The following B4GALNT4 variants were observed in gnomAD, a reference collection of about 807,000 sequenced individuals.
The protein encoded by B4GALNT4 is N-acetyl-beta-glucosaminyl-glycoprotein 4-beta-N-acetylgalactosaminyltransferase 1.
In B4GALNT4, 77 loss-of-function variants were observed where a neutral mutation model predicts 110.0. The ratio of observed to expected loss-of-function variants is 0.70; its 90% CI spans 0.58 to 0.85. B4GALNT4 has a LOEUF of 0.85. Among genes scored for constraint, B4GALNT4 ranks in the 40% least tolerant of loss-of-function variants. B4GALNT4 has a pLI of 0.00. For missense variants in B4GALNT4, 1,575 were observed against 1,506.0 expected, an observed-to-expected ratio of 1.05 and a Z score of -0.76; for synonymous variants, 785 against 655.5, an observed-to-expected ratio of 1.20 and a Z score of -3.02.
intron 8 of B4GALNT4, 152 bp downstream of exon 8, chr11:373,980 G>T (rs974698041): frequency 3.2e-5 from 23 of 725,728 alleles, no homozygotes; most frequent in Non-Finnish European, 5.0e-5. Context: ...TGCCCTCCTG[G>T]GGGGCTCGGT....
Position 376,346 on chromosome 11 carries a change from C to G in B4GALNT4, c.1292C>G (p.Pro431Arg). 3.1e-6 allele frequency: 5 copies of G among 1,607,680 alleles called. No homozygotes were observed. Among genetic ancestry groups the G allele is most frequent in the Non-Finnish European group, 3.4e-6 (4 of 1,177,390 alleles). ...CGCCGAGCCTTCCTCTTCCTCAACCCGGACGGTGAGTGTCCGCAGCGCCCC... is the reference window on the plus strand; with the variant it reads ...CGCCGAGCCTTCCTCTTCCTCAACCGGGACGGTGAGTGTCCGCAGCGCCCC... ...VQRRAFLFLN[P>R]DDFLDDEDEG... The change falls in exon 13 of 20, where the codon CCG becomes CGG. Residue 431 changes from proline to arginine, a missense_variant. By Grantham distance (103) the Pro-to-Arg change is moderately radical (BLOSUM62 -2). Transcript: ENST00000329962.
chr11:377,436 G>C, intron 14 of B4GALNT4, 109 bp downstream of exon 14: 1 of 1,241,802 alleles, frequency 8.1e-7, no homozygotes, highest in Non-Finnish European at 1.1e-6. Flanking sequence ...GGGCCCAGTG[G>C]TGTACCGGCC....
intron 6 of B4GALNT4, 46 bp from the exon 7 acceptor site, chr11:373,403 A>ACTGGGGGGGGGGGGGGGGGGGGGG: frequency 7.9e-7 from 1 of 1,259,488 alleles, no homozygotes; most frequent in Non-Finnish European, 1.1e-6. Flanking sequence ...CCAGGGAGAG[A>ACTGGGGGGGGGGGGGGGGGGGGGG]GTGAACCCCC....
chr11:371,280 A>C (rs1434750954), intron 1 of B4GALNT4, among the ~76,000 whole-genome samples: 1 of 152,048 alleles, frequency 6.6e-6, no homozygotes, highest in Non-Finnish European at 1.5e-5. Flanking sequence ...CTGTCGGGGG[A>C]CCTGGGGCCC....
In B4GALNT4 at chr11:375,865, C is replaced by A. The variant is rs1291379413; in HGVS notation, c.1004C>A (p.Ser335Ter). ...CCTGCAGCTCCACGCATGGAATCTTCGAGCCTGGAGAACGTGCTGGAGCCC... is the reference window on the plus strand; with the variant it reads ...CCTGCAGCTCCACGCATGGAATCTTAGAGCCTGGAGAACGTGCTGGAGCCC... The part of the protein sequence containing the change: ...TFFLTPRMES[S>*]SLENVLEPCA... Residue 335 changes from serine to a stop codon, truncating the protein, a stop_gained, in exon 11 of 20, where the codon TCG becomes TAG. Transcript: ENST00000329962. LOFTEE classifies it high-confidence loss of function. 6.2e-7 allele frequency: 1 copy of A among 1,610,626 alleles called. No individual in the cohort carries two copies. The highest frequency in any genetic ancestry group is 1.7e-5 in the Admixed American group (1 of 59,858).
intron 13 of B4GALNT4, 30 bp downstream of exon 13, chr11:376,381 C>A (rs1846753089): frequency 1.2e-6 from 2 of 1,603,296 alleles, no homozygotes; most frequent in Admixed American, 1.7e-5. Context: ...CTGGCCCGCA[C>A]CCACCTGCGC....
Position 372,748 on chromosome 11 carries a change from G to A in B4GALNT4, c.342G>A (p.Arg114=), listed in dbSNP as rs887842948. 5.0e-6 allele frequency: 8 copies of A among 1,609,972 alleles called. No individual in the cohort carries two copies. The Admixed American group carries it at 1.3e-4, about 27-fold the overall frequency. ...LNFTHQTPPW[R]EEYKGQVNLH... is the part of the protein sequence containing the mutation. ...TCACCCATCAGACACCCCCATGGCGGGAGGAGGTGAGCTGGCTCGGCCTGT... is the reference window on the plus strand; with the variant it reads ...TCACCCATCAGACACCCCCATGGCGAGAGGAGGTGAGCTGGCTCGGCCTGT... The change falls in exon 3 of 20, where the codon CGG becomes CGA. Residue 114 remains arginine (R), a synonymous_variant. Transcript: ENST00000329962.
intron 1 of B4GALNT4, among the ~76,000 whole-genome samples, chr11:370,876 A>G (rs72847388): frequency 0.079 from 12,069 of 152,086 alleles, 666 homozygotes; most frequent in Admixed American, 0.15. Flanking sequence ...CTCTTCCTGT[A>G]CCGGGACGCC....
chr11:380,944 C>T lies in B4GALNT4; in HGVS notation c.2989C>T (p.Leu997=). 1 of 1,612,306 alleles carries T rather than the reference C, an allele frequency of 6.2e-7. No individual in the cohort carries two copies. The highest frequency in any genetic ancestry group is 8.5e-7 in the Non-Finnish European group (1 of 1,179,254). The change falls in exon 19 of 20, where the codon CTG becomes TTG. Residue 997 remains leucine, a synonymous_variant. Transcript: ENST00000329962. ...DQWGGEDWEL[L]DRVLQAGLEV... Reference sequence around the variant, plus strand: ...GTGGGGGGGTGAAGACTGGGAGCTCCTGGACAGGTGACCACCTCCCCACTC... The same window carrying T: ...GTGGGGGGGTGAAGACTGGGAGCTCTTGGACAGGTGACCACCTCCCCACTC...
chr11:372,153 G>C lies in B4GALNT4; in HGVS notation c.196G>C (p.Ala66Pro). The change falls in exon 2 of 20, where the codon GCT becomes CCT. Residue 66 changes from alanine to proline, a missense_variant. By Grantham distance (27) the Ala-to-Pro change is conservative. Coordinates refer to ENST00000329962, the MANE Select transcript of B4GALNT4 (RefSeq NM_178537.5). ...TGAGACCGACGGCCGGGGGGTCCACGCTGCGCCATCCACACAGAGGGCTGA... is the reference window on the plus strand; with the variant it reads ...TGAGACCGACGGCCGGGGGGTCCACCCTGCGCCATCCACACAGAGGGCTGA... ...TSETDGRGVH[A>P]APSTQRAEDS... The C allele has an allele frequency of 1.3e-6, 2 of 1,549,948 alleles. No homozygotes were observed. The highest frequency in any genetic ancestry group is 1.7e-6 in the Non-Finnish European group (2 of 1,146,832).
intron 18 of B4GALNT4, 104 bp downstream of exon 18, chr11:380,549 G>A: frequency 6.9e-7 from 1 of 1,457,928 alleles, no homozygotes; most frequent in Non-Finnish European, 9.3e-7. Flanking sequence ...GGAGGCCTGG[G>A]AGTCCATCAG....
Position 376,019 on chromosome 11 carries a change from G to C in B4GALNT4, c.1096-55G>C. On this transcript the variant is annotated intron_variant, in intron 11 of 19. Coordinates refer to ENST00000329962, the MANE Select transcript of B4GALNT4 (RefSeq NM_178537.5). ...TCCGCGGAGCCTTCTCCAGCCCCTTGGGAGGCCGCCCCGGGAGGTCCGCGC... is the reference window on the plus strand; with the variant it reads ...TCCGCGGAGCCTTCTCCAGCCCCTTCGGAGGCCGCCCCGGGAGGTCCGCGC... 3 of 1,603,496 alleles carry C rather than the reference G, an allele frequency of 1.9e-6. No individual in the cohort carries two copies. In the South Asian group the frequency reaches 3.3e-5, roughly 18 times the overall value.
At chr11:375,367 C>T (rs944251439) in intron 8 of B4GALNT4, 94 bp from the exon 9 acceptor site, 5 of 1,286,942 alleles carry the variant, frequency 3.9e-6, no homozygotes, top group East Asian at 2.3e-5. Context: ...GGGATTGGTC[C>T]TATTAGTCCC....
At position 376,356 on chromosome 11, in the gene B4GALNT4, G is replaced by A. The variant is rs1325883590; in HGVS notation, c.1297+5G>A. The A allele has an allele frequency of 6.2e-7, 1 of 1,606,626 alleles. No individual in the cohort carries two copies. Among genetic ancestry groups the A allele is most frequent in the East Asian group, 2.2e-5 (1 of 44,796 alleles). ...TCCTCTTCCTCAACCCGGACGGTGAGTGTCCGCAGCGCCCCTGGCCCGCAC... is the reference window on the plus strand; with the variant it reads ...TCCTCTTCCTCAACCCGGACGGTGAATGTCCGCAGCGCCCCTGGCCCGCAC... On this transcript the variant is annotated splice_donor_5th_base_variant and intron_variant, in intron 13 of 19. Coordinates refer to ENST00000329962, the MANE Select transcript of B4GALNT4 (RefSeq NM_178537.5).
chr11:370,365 T>C (rs1448346515), intron 1 of B4GALNT4, among the ~76,000 whole-genome samples: 2 of 152,054 alleles, frequency 1.3e-5, no homozygotes, highest in African/African-American at 4.8e-5. Context: ...CCTGCCCGCT[T>C]AGCAGGGCCT....
chr11:370,624 C>A (rs1352782661), intron 1 of B4GALNT4, among the ~76,000 whole-genome samples: 1 of 152,128 alleles, frequency 6.6e-6, no homozygotes, highest in Non-Finnish European at 1.5e-5. Context: ...TGACATACAC[C>A]TTTGGGGGAA....
At position 376,828 on chromosome 11, in the gene B4GALNT4, C is replaced by CA; in HGVS notation, c.1705_1706insA (p.Pro569HisfsTer109). The CA allele has an allele frequency of 7.5e-7, 1 of 1,341,974 alleles. No individual in the cohort carries two copies. The highest frequency in any genetic ancestry group is 9.6e-7 in the Non-Finnish European group (1 of 1,045,592). 83.1% of individuals were successfully genotyped at this position (1,341,974 alleles called of 1,614,324 possible). On this transcript the variant is annotated frameshift_variant, in exon 14 of 20. Transcript: ENST00000329962. LOFTEE classifies it high-confidence loss of function. ...GCCCAGAGTGCAGCTGCGGGCGCCCCCACGCCCACCCCGGCCCCACGGCCG... is the reference window on the plus strand; with the variant it reads ...GCCCAGAGTGCAGCTGCGGGCGCCCCACACGCCCACCCCGGCCCCACGGCCG...
Position 372,200 on chromosome 11 carries a change from A to G in B4GALNT4, c.243A>G (p.Glu81=), listed in dbSNP as rs1846629615. The G allele has an allele frequency of 1.3e-6, 2 of 1,550,112 alleles. No individual in the cohort carries two copies. Among genetic ancestry groups the G allele is most frequent in the African/African-American group, 2.7e-5 (2 of 73,052 alleles). The stretch of plus-strand genomic sequence containing the variant: ...CTGAGGACTCCAGTGAGAGCCGTGA[A>G]GAGGAGCAAGCGGTGAGCAGAGCCC... ...QRAEDSSESR[E]EEQAPEGRDL... is the part of the protein sequence containing the mutation. The change falls in exon 2 of 20, where the codon GAA becomes GAG. Residue 81 remains glutamate, a synonymous_variant. Coordinates refer to ENST00000329962, the MANE Select transcript of B4GALNT4 (RefSeq NM_178537.5).
rs751628641 is a variant in B4GALNT4, at chr11:375,662, C to T, written c.874C>T (p.His292Tyr). ...AGATGAGTCAGCCTTGAAGATGGAC[C>T]ACGTGGCGCACGTCCCCCAGTCTCC... Reference protein sequence around the residue: ...YTDESALKMDHVAHVPQSPAS... With the variant: ...YTDESALKMDYVAHVPQSPAS... The change falls in exon 10 of 20, where the codon CAC (histidine) becomes TAC (tyrosine). Residue 292 changes from histidine to tyrosine, a missense_variant. By Grantham distance (83) the His-to-Tyr change is moderately conservative. Transcript: ENST00000329962. The T allele has an allele frequency of 2.5e-6, 4 of 1,590,338 alleles. No homozygotes were observed. The highest frequency in any genetic ancestry group is 1.1e-5 in the South Asian group (1 of 90,460).
Sources: allele counts gnomAD v4.1 joint callset (sites outside exome capture counted in the v4.1 genomes callset), GRCh38; gene constraint gnomAD v4.1.1; transcripts MANE v1.5; gene names NCBI Gene and HGNC (gene_info 2026-07-23, HGNC 2026-07-21).